Variants in TMEFF2 observed in about 807,000 individuals in gnomAD.
The protein encoded by TMEFF2 is transmembrane protein with EGF like and two follistatin like domains 2.
In TMEFF2, 28 loss-of-function variants were observed where a neutral mutation model predicts 53.8. The observed-to-expected ratio is 0.52, with a 90% CI of 0.39 to 0.71. TMEFF2 has a LOEUF of 0.71. TMEFF2 is among the 30% of genes least tolerant of loss of function. The pLI is 0.00. For missense variants in TMEFF2, 353 were observed against 455.2 expected (o/e 0.78, Z 2.04); for synonymous variants, 162 against 166.3 (o/e 0.97, Z 0.20).
intron 4 of TMEFF2, among the ~76,000 whole-genome samples, chr2:192,112,648 T>C (rs1385933840): frequency 6.6e-6 from 1 of 152,140 alleles, no homozygotes. Context: ...CGTGAGAACA[T>C]GAGATTTGGG....
chr2:191,993,605 T>C (rs1214932353), intron 7 of TMEFF2, among the ~76,000 whole-genome samples: 11 of 152,150 alleles, frequency 7.2e-5, no homozygotes, highest in Admixed American at 7.2e-4. Context: ...GTTCAACCTA[T>C]GTATCCATGA....
Position 191,964,332 on chromosome 2 carries a change from CCTTCTTTCTTT to C in TMEFF2, c.746-7965_746-7955del, listed in dbSNP as rs1438655744. Among the ~76,000 whole-genome samples the C allele has an allele frequency of 2.3e-3, 241 of 103,988 alleles. 3 individuals are homozygous for C. The highest frequency in any genetic ancestry group is 0.011 in the African/African-American group (229 of 21,116). 68.2% of individuals were successfully genotyped at this position (103,988 alleles called of 152,430 possible). A position where few individuals can be genotyped will look rare whatever the true frequency, so the allele number is the denominator to read the frequency against. On this transcript the variant is annotated intron_variant, in intron 7 of 9. Coordinates refer to ENST00000272771, the MANE Select transcript of TMEFF2 (RefSeq NM_016192.4). Reference sequence around the variant, plus strand: ...CTTTCTTTCCTTCCTTCCTTTCTTTCCTTCTTTCTTTCTTTCTTTCTTTCTTTCTTTCTTTC... The same window carrying C: ...CTTTCTTTCCTTCCTTCCTTTCTTTCCTTTCTTTCTTTCTTTCTTTCTTTC...
chr2:192,011,210 C>A lies in TMEFF2; in HGVS notation c.537-12002G>T, dbSNP rs143780452. ...CCAATGATAAAGAGCATAGTTGGAA[C>A]CCTGGACACTTACAAATCACTGAAT... is the stretch of plus-strand genomic sequence containing the variant. On this transcript the variant is annotated intron_variant, in intron 5 of 9. Transcript: ENST00000272771. Among the ~76,000 whole-genome samples the A allele has an allele frequency of 4.7e-3, 711 of 152,272 alleles. 5 individuals carry two copies. The highest frequency in any genetic ancestry group is 8.5e-3 in the South Asian group (41 of 4,820).
In TMEFF2 at chr2:192,139,710, T is replaced by A. The variant is rs192644442; in HGVS notation, c.439+39958A>T. Among the ~76,000 whole-genome samples the A allele has an allele frequency of 1.5e-4, 23 of 152,328 alleles. 1 individual carries two copies. The highest frequency in any genetic ancestry group is 4.4e-5 in the Non-Finnish European group (3 of 68,032). On this transcript the variant is annotated intron_variant, in intron 4 of 9. Transcript: ENST00000272771. ...TGGAACTTCTAGTAAGTGGTGAGCA[T>A]GCTGCATGCCAAACGAATCTCATTA...
chr2:192,160,670 T>C (rs551620834), intron 4 of TMEFF2, among the ~76,000 whole-genome samples: 1 of 151,900 alleles, frequency 6.6e-6, no homozygotes, highest in Non-Finnish European at 1.5e-5. Context: ...GGACCTTCTT[T>C]AGAAAAAAAT....
chr2:191,980,337 G>A (rs559330462), intron 7 of TMEFF2, among the ~76,000 whole-genome samples: 5 of 152,152 alleles, frequency 3.3e-5, no homozygotes, highest in Non-Finnish European at 7.4e-5. Context: ...AGGAGACGAT[G>A]AGGAAGCACA....
chr2:192,164,772 A>G (rs1475137532), intron 4 of TMEFF2, among the ~76,000 whole-genome samples: 7 of 150,362 alleles, frequency 4.7e-5, no homozygotes, highest in Non-Finnish European at 4.4e-5. Flanking sequence ...GTTTTTGCTT[A>G]TTTATTTGCA....
intron 4 of TMEFF2, among the ~76,000 whole-genome samples, chr2:192,139,896 G>A (rs1269553857): frequency 1.3e-5 from 2 of 152,158 alleles, no homozygotes; most frequent in Non-Finnish European, 2.9e-5. Flanking sequence ...CTGTAGGAAG[G>A]AGTCTAGAGA....
At chr2:192,189,125 G>C (rs571942706) in intron 2 of TMEFF2, among the ~76,000 whole-genome samples, 2 of 152,140 alleles carry the variant, frequency 1.3e-5, no homozygotes, top group Non-Finnish European at 2.9e-5. Flanking sequence ...ATTTAAAATC[G>C]TCTAAGAGAG....
At chr2:192,136,587 C>CAAAATA (rs1690012761) in intron 4 of TMEFF2, among the ~76,000 whole-genome samples, 2 of 151,992 alleles carry the variant, frequency 1.3e-5, no homozygotes, top group African/African-American at 4.8e-5. Context: ...TATTGAAGAC[C>CAAAATA]TTTATGACCA....
At chr2:191,990,760 C>CGG (rs1047900814) in intron 7 of TMEFF2, among the ~76,000 whole-genome samples, 15 of 118,714 alleles carry the variant, frequency 1.3e-4, no homozygotes, top group African/African-American at 2.2e-4. Context: ...GATCTCTTTG[C>CGG]GGGGTGTGTG....
At chr2:192,166,553 T>C (rs959130278) in intron 4 of TMEFF2, among the ~76,000 whole-genome samples, 2 of 152,162 alleles carry the variant, frequency 1.3e-5, no homozygotes, top group African/African-American at 4.8e-5. Flanking sequence ...GTGATAAAAA[T>C]ATTTTCAATA....
At chr2:192,035,867 T>G (rs1357578025) in intron 5 of TMEFF2, among the ~76,000 whole-genome samples, 3 of 152,180 alleles carry the variant, frequency 2.0e-5, no homozygotes, top group Non-Finnish European at 2.9e-5. Flanking sequence ...TACCTCCTGA[T>G]CCCCTATTTC....
At chr2:191,962,135 A>T (rs939924606) in intron 7 of TMEFF2, among the ~76,000 whole-genome samples, 5 of 152,216 alleles carry the variant, frequency 3.3e-5, no homozygotes, top group African/African-American at 1.2e-4. Flanking sequence ...GTCCTTCAAC[A>T]TTCTTGCTAC....
intron 7 of TMEFF2, among the ~76,000 whole-genome samples, chr2:191,959,986 C>T (rs150632697): frequency 3.3e-5 from 5 of 152,232 alleles, no homozygotes; most frequent in East Asian, 1.9e-4. Context: ...AAGTGATTCT[C>T]GTGTCTCTGC....
chr2:192,136,612 T>C (rs1265937061), intron 4 of TMEFF2, among the ~76,000 whole-genome samples: 2 of 152,162 alleles, frequency 1.3e-5, no homozygotes, highest in Admixed American at 6.6e-5. Flanking sequence ...ATAGGTAGAT[T>C]TATCATTCTT....
rs369559092 is a variant in TMEFF2 at position 192,183,573 on chromosome 2, C to G, written c.412+781G>C. ...AAAGATGCTTATTTGCCATTAAGAACAACTATTATGGCACCTTACAGCCTC... is the reference window on the plus strand; with the variant it reads ...AAAGATGCTTATTTGCCATTAAGAAGAACTATTATGGCACCTTACAGCCTC... On this transcript the variant is annotated intron_variant, in intron 3 of 9. Transcript: ENST00000272771. Among the ~76,000 whole-genome samples, 5 of 151,988 alleles carry G rather than the reference C, an allele frequency of 3.3e-5. No individual in the cohort carries two copies. The East Asian group carries it at 9.6e-4, about 29-fold the overall frequency.
intron 4 of TMEFF2, among the ~76,000 whole-genome samples, chr2:192,166,497 AG>A (rs1328578406): frequency 3.3e-5 from 5 of 152,242 alleles, no homozygotes; most frequent in Non-Finnish European, 5.9e-5. Flanking sequence ...GCATTAAGAC[AG>A]GTACATATTT....
chr2:191,961,829 G>A (rs1692282466), intron 7 of TMEFF2, among the ~76,000 whole-genome samples: 1 of 152,152 alleles, frequency 6.6e-6, no homozygotes, highest in African/African-American at 2.4e-5. Context: ...GGTTCTGAAT[G>A]TAATGAAGTC....
Sources: allele counts gnomAD v4.1 joint callset (sites outside exome capture counted in the v4.1 genomes callset), GRCh38; gene constraint gnomAD v4.1.1; transcripts MANE v1.5; gene names NCBI Gene and HGNC (gene_info 2026-07-23, HGNC 2026-07-21).